Variants in EIF2AK4 observed in about 807,000 individuals in gnomAD.
EIF2AK4 encodes eukaryotic translation initiation factor 2 alpha kinase 4.
A neutral mutation model predicts 211.1 loss-of-function variants in EIF2AK4; 139 were observed. The observed-to-expected ratio is 0.66, with a 90% CI of 0.57 to 0.76. EIF2AK4 has a LOEUF of 0.76. Among genes scored for constraint, EIF2AK4 ranks in the 30% least tolerant of loss-of-function variants. EIF2AK4 has a pLI of 0.00. For missense variants in EIF2AK4, 1,664 were observed against 2,043.8 expected, an observed-to-expected ratio of 0.81 and a Z score of 3.58; for synonymous variants, 710 against 751.3, an observed-to-expected ratio of 0.94 and a Z score of 0.90.
intron 31 of EIF2AK4, chr15:40,022,269 A>C (rs1177876745): frequency 2.8e-6 from 1 of 362,540 alleles, no homozygotes; most frequent in African/African-American, 2.1e-5. Flanking sequence ...AGCTTTTGAA[A>C]ACCTCTTACT....
At chr15:40,025,923 A>G in intron 32 of EIF2AK4, 54 bp from the exon 33 acceptor site, 2 of 1,534,296 alleles carry the variant, frequency 1.3e-6, no homozygotes, top group African/African-American at 1.4e-5. Context: ...GCTCTGAGCT[A>G]GTCTTCTGGG....
intron 5 of EIF2AK4, among the ~76,000 whole-genome samples, chr15:39,955,041 C>T (rs1416809174): frequency 6.6e-6 from 1 of 152,118 alleles, no homozygotes; most frequent in Non-Finnish European, 1.5e-5. Flanking sequence ...TGAAACTAAA[C>T]CTGCGTAAAA....
intron 27 of EIF2AK4, among the ~76,000 whole-genome samples, chr15:40,016,122 C>T (rs1364236215): frequency 6.6e-6 from 1 of 152,174 alleles, no homozygotes; most frequent in African/African-American, 2.4e-5. Flanking sequence ...CTTATTGTCC[C>T]CCCATGTCTA....
chr15:40,003,392 TC>T (rs1567001290), intron 23 of EIF2AK4, 78 bp downstream of exon 23: 1 of 1,567,476 alleles, frequency 6.4e-7, no homozygotes, highest in Non-Finnish European at 8.6e-7. Flanking sequence ...AAAGGATTTT[TC>T]CCCCAGGCTT....
intron 29 of EIF2AK4, 46 bp downstream of exon 29, chr15:40,017,288 C>A: frequency 6.5e-7 from 1 of 1,536,140 alleles, no homozygotes. Flanking sequence ...AATTTTATTT[C>A]TTCTAAACTT....
intron 32 of EIF2AK4, 131 bp downstream of exon 32, chr15:40,022,736 G>C: frequency 1.4e-6 from 1 of 738,306 alleles, no homozygotes; most frequent in South Asian, 2.0e-5. Context: ...TCCATTGTTG[G>C]GTTTCTTTTT....
intron 1 of EIF2AK4, among the ~76,000 whole-genome samples, chr15:39,938,168 G>C (rs757673907): frequency 1.3e-5 from 2 of 152,074 alleles, no homozygotes; most frequent in Non-Finnish European, 2.9e-5. Flanking sequence ...GAAGTTCCAT[G>C]AGAGCTGGAA....
intron 18 of EIF2AK4, among the ~76,000 whole-genome samples, chr15:39,994,413 G>A (rs550845081): frequency 6.6e-6 from 1 of 152,252 alleles, no homozygotes; most frequent in Non-Finnish European, 1.5e-5. Context: ...TTCAAAACCA[G>A]CCTGGGTAAC....
chr15:39,936,633 G>A (rs1465197661), intron 1 of EIF2AK4, among the ~76,000 whole-genome samples: 2 of 152,188 alleles, frequency 1.3e-5, no homozygotes, highest in Admixed American at 6.5e-5. Flanking sequence ...GGCTGGTCTC[G>A]AATTCCTGAC....
At chr15:40,000,681 T>C (rs2035077836) in intron 20 of EIF2AK4, among the ~76,000 whole-genome samples, 1 of 152,222 alleles carries the variant, frequency 6.6e-6, no homozygotes, top group African/African-American at 2.4e-5. Context: ...TATACGATAT[T>C]TTCTGTGTTT....
At position 39,934,304 on chromosome 15, in the gene EIF2AK4, G is replaced by A; in HGVS notation, c.109G>A (p.Asp37Asn). ...GGCCCTGGAGGCCATTTACGGCGCGGACTTCCAAGACCTGCGGCCGGACGC... is the reference window on the plus strand; with the variant it reads ...GGCCCTGGAGGCCATTTACGGCGCGAACTTCCAAGACCTGCGGCCGGACGC... ...LQALEAIYGA[D>N]FQDLRPDACG... The change falls in exon 1 of 39, where the codon GAC (aspartate) becomes AAC (asparagine). Residue 37 changes from aspartate to asparagine, a missense_variant. Physicochemically the swap from Asp to Asn is conservative, Grantham distance 23 (BLOSUM62 1). Transcript: ENST00000263791. 3.1e-6 allele frequency: 5 copies of A among 1,611,920 alleles called. No homozygotes were observed. The highest frequency in any genetic ancestry group is 4.2e-6 in the Non-Finnish European group (5 of 1,179,120).
rs185926327 is a variant in EIF2AK4 at position 39,958,679 on chromosome 15, G to T, written c.743+2911G>T. Among the ~76,000 whole-genome samples the T allele has an allele frequency of 9.2e-5, 14 of 152,292 alleles. No individual in the cohort carries two copies. The East Asian group carries it at 2.7e-3, about 29-fold the overall frequency. On this transcript the variant is annotated intron_variant, in intron 6 of 38. Coordinates refer to ENST00000263791, the MANE Select transcript of EIF2AK4 (RefSeq NM_001013703.4). ...TGTTGTCTCTACAAAGTGGCTCTGT[G>T]TTTCAAATTAAGGGACCTAGAACTA...
intron 32 of EIF2AK4, among the ~76,000 whole-genome samples, chr15:40,023,442 A>G (rs2035421902): frequency 6.6e-6 from 1 of 152,176 alleles, no homozygotes; most frequent in Admixed American, 6.5e-5. Flanking sequence ...GATACTGTAT[A>G]CAATTAGTAT....
chr15:39,981,732 A>G lies in EIF2AK4; in HGVS notation c.2319+3585A>G, dbSNP rs1190053404. 2.0e-5 allele frequency among the ~76,000 whole-genome samples: 3 copies of G among 152,168 alleles called. No homozygotes were observed. In the East Asian group the frequency reaches 5.8e-4, roughly 29 times the overall value. On this transcript the variant is annotated intron_variant, in intron 13 of 38. Transcript: ENST00000263791. ...CTGCACTTGGTGTTATAAGTATTCA[A>G]ATACATCTATTGAGGGAAAAAGACT...
intron 18 of EIF2AK4, among the ~76,000 whole-genome samples, chr15:39,995,653 T>C: frequency 6.6e-6 from 1 of 152,238 alleles, no homozygotes; most frequent in Middle Eastern, 3.4e-3. Flanking sequence ...ATCCTTCTAG[T>C]TTTTTGACTT....
Position 40,017,308 on chromosome 15 carries a change from A to C in EIF2AK4, c.4065+66A>C, listed in dbSNP as rs1595431656. 6 of 1,513,018 alleles carry C rather than the reference A, an allele frequency of 4.0e-6. No individual in the cohort carries two copies. The East Asian group carries it at 1.1e-4, about 29-fold the overall frequency. 93.7% of individuals were successfully genotyped at this position (1,513,018 alleles called of 1,614,324 possible). ...TATTTCTTCTAAACTTGTTATTTTGAAATTTTCAAACTAACACCAAAAATT... is the reference window on the plus strand; with the variant it reads ...TATTTCTTCTAAACTTGTTATTTTGCAATTTTCAAACTAACACCAAAAATT... On this transcript the variant is annotated intron_variant, in intron 29 of 38. Coordinates refer to ENST00000263791, the MANE Select transcript of EIF2AK4 (RefSeq NM_001013703.4).
intron 7 of EIF2AK4, among the ~76,000 whole-genome samples, chr15:39,962,326 T>C (rs2034483684): frequency 6.6e-6 from 1 of 152,212 alleles, no homozygotes. Flanking sequence ...TCATTTTAAA[T>C]CTGTCATCAT....
intron 25 of EIF2AK4, among the ~76,000 whole-genome samples, chr15:40,008,986 C>T (rs146588128): frequency 1.3e-3 from 202 of 152,266 alleles, no homozygotes; most frequent in African/African-American, 4.6e-3. Flanking sequence ...GCTTATGAGT[C>T]GATTACTACT....
At chr15:39,980,162 T>C (rs2034761408) in intron 13 of EIF2AK4, among the ~76,000 whole-genome samples, 1 of 152,192 alleles carries the variant, frequency 6.6e-6, no homozygotes, top group South Asian at 2.1e-4. Context: ...CAATGTACCC[T>C]AGAGTTGACA....
Sources: allele counts gnomAD v4.1 joint callset (sites outside exome capture counted in the v4.1 genomes callset), GRCh38; gene constraint gnomAD v4.1.1; transcripts MANE v1.5; gene names NCBI Gene and HGNC (gene_info 2026-07-23, HGNC 2026-07-21).